The following PLCB4 variants were observed in gnomAD, a reference collection of about 807,000 sequenced individuals.
PLCB4 encodes 1-phosphatidylinositol 4,5-bisphosphate phosphodiesterase beta-4.
PLCB4 carries 77 observed loss-of-function variants against 178.8 expected under a neutral mutation model. That is an observed-to-expected ratio of 0.43 (90% CI 0.36 to 0.52). The LOEUF (loss-of-function observed/expected upper bound fraction) is 0.52, where lower values mean the gene tolerates loss of function less well. PLCB4 is among the 20% of genes least tolerant of loss of function. The probability of loss-of-function intolerance (pLI) is 0.00; values close to 1 mark genes in which losing one functional copy is unlikely to be tolerated. For missense variants in PLCB4, 1,024 were observed against 1,453.4 expected (o/e 0.70, Z 4.80); for synonymous variants, 496 against 490.8 (o/e 1.01, Z -0.14).
intron 2 of PLCB4, among the ~76,000 whole-genome samples, chr20:9,173,273 A>G (rs1297462291): frequency 1.3e-5 from 2 of 152,170 alleles, no homozygotes; most frequent in African/African-American, 4.8e-5. Context: ...CAATGTTTTG[A>G]CCATACTTTT....
chr20:9,428,572 G>A (rs1221718142), intron 28 of PLCB4, among the ~76,000 whole-genome samples: 2 of 152,176 alleles, frequency 1.3e-5, no homozygotes, highest in Non-Finnish European at 2.9e-5. Context: ...TGCAGTTTGA[G>A]AAATGCTTAA....
At chr20:9,430,301 C>G (rs1368246261) in intron 28 of PLCB4, among the ~76,000 whole-genome samples, 1 of 152,202 alleles carries the variant, frequency 6.6e-6, no homozygotes, top group African/African-American at 2.4e-5. Flanking sequence ...TAGCCTTGCT[C>G]AAGGCATTTA....
chr20:9,322,351 CAT>C (rs1170619977), intron 4 of PLCB4, among the ~76,000 whole-genome samples: 1 of 152,114 alleles, frequency 6.6e-6, no homozygotes, highest in African/African-American at 2.4e-5. Context: ...TGGACATAGA[CAT>C]AAAATATTGT....
intron 25 of PLCB4, among the ~76,000 whole-genome samples, chr20:9,417,209 A>AT (rs1404725251): frequency 2.6e-5 from 4 of 151,986 alleles, no homozygotes; most frequent in Non-Finnish European, 4.4e-5. Context: ...ATTTCTAATA[A>AT]TTTTTTAATT....
At chr20:9,456,319 C>T (rs2043055167) in intron 33 of PLCB4, among the ~76,000 whole-genome samples, 1 of 152,178 alleles carries the variant, frequency 6.6e-6, no homozygotes, top group African/African-American at 2.4e-5. Flanking sequence ...TCAAGTGCTT[C>T]CAGCTTTGGC....
chr20:9,386,402 G>A (rs1182209040), intron 14 of PLCB4, among the ~76,000 whole-genome samples: 2 of 152,064 alleles, frequency 1.3e-5, no homozygotes, highest in African/African-American at 4.8e-5. Context: ...TTAAAATATG[G>A]CAAAAATGAT....
intron 2 of PLCB4, among the ~76,000 whole-genome samples, chr20:9,203,094 A>C (rs2093570936): frequency 6.8e-6 from 1 of 147,658 alleles, no homozygotes; most frequent in African/African-American, 2.5e-5. Flanking sequence ...AAATATAAAT[A>C]CTAATCTAAA....
chr20:9,454,064 T>C (rs7268679), intron 33 of PLCB4, among the ~76,000 whole-genome samples: 30,321 of 152,174 alleles, frequency 0.2, 3,280 homozygotes, highest in East Asian at 0.36. Flanking sequence ...ATGTGATAAT[T>C]CCTCAATCTC....
chr20:9,225,692 A>G (rs909240831), intron 3 of PLCB4, among the ~76,000 whole-genome samples: 6 of 152,116 alleles, frequency 3.9e-5, no homozygotes, highest in Non-Finnish European at 7.4e-5. Context: ...GGCATTCTGA[A>G]TCTTTTCCAG....
intron 3 of PLCB4, among the ~76,000 whole-genome samples, chr20:9,276,767 A>G (rs1479984681): frequency 1.3e-5 from 2 of 151,960 alleles, no homozygotes; most frequent in African/African-American, 4.8e-5. Context: ...TACTCAAAAT[A>G]TGGCCCATGG....
At chr20:9,376,879 C>T (rs1185272333) in intron 12 of PLCB4, among the ~76,000 whole-genome samples, 1 of 152,032 alleles carries the variant, frequency 6.6e-6, no homozygotes, top group Non-Finnish European at 1.5e-5. Flanking sequence ...TAATCTTCCC[C>T]CTTCCTCACA....
chr20:9,068,761 A>T, upstream of PLCB4: 1 of 143,818 alleles, frequency 7.0e-6, no homozygotes, highest in African/African-American at 2.5e-5. Context: ...GCTCGGGGGC[A>T]GGGGAGGAGG....
intron 2 of PLCB4, among the ~76,000 whole-genome samples, chr20:9,099,453 T>G (rs555362102): frequency 6.6e-6 from 1 of 152,352 alleles, no homozygotes; most frequent in East Asian, 1.9e-4. Flanking sequence ...CATTTAAATT[T>G]AACCACATAT....
chr20:9,379,045 T>C (rs1372258906), intron 12 of PLCB4, among the ~76,000 whole-genome samples: 2 of 152,196 alleles, frequency 1.3e-5, no homozygotes, highest in African/African-American at 4.8e-5. Flanking sequence ...CAGGTTTTGC[T>C]CACACCTGCT....
chr20:9,098,739 A>G (rs1234249968), intron 2 of PLCB4, among the ~76,000 whole-genome samples: 4 of 49,256 alleles, frequency 8.1e-5, no homozygotes, highest in African/African-American at 3.3e-4. Flanking sequence ...ATATATACAT[A>G]TATGTGTGTG....
At chr20:9,183,671 G>A (rs1031840382) in intron 2 of PLCB4, among the ~76,000 whole-genome samples, 1 of 152,092 alleles carries the variant, frequency 6.6e-6, no homozygotes, top group Admixed American at 6.6e-5. Context: ...TGGAAATATT[G>A]TATACAGACG....
At chr20:9,395,885 T>A (rs1672562942) in intron 19 of PLCB4, among the ~76,000 whole-genome samples, 1 of 152,050 alleles carries the variant, frequency 6.6e-6, no homozygotes, top group Admixed American at 6.6e-5. Context: ...GGCAGTAGGA[T>A]CCCTTGAGCC....
chr20:9,412,967 A>G (rs1488883707), intron 25 of PLCB4, among the ~76,000 whole-genome samples: 1 of 152,220 alleles, frequency 6.6e-6, no homozygotes, highest in Non-Finnish European at 1.5e-5. Flanking sequence ...GTCAGGTTGA[A>G]TGAGTGTACG....
chr20:9,393,037 T>C (rs756189844), intron 17 of PLCB4, among the ~76,000 whole-genome samples: 7 of 152,126 alleles, frequency 4.6e-5, no homozygotes, highest in Non-Finnish European at 1.0e-4. Context: ...CAAATGATGC[T>C]GTAGTCAAGT....
Sources: gnomAD v4.1 joint callset for allele counts (sites outside exome capture counted in the v4.1 genomes callset) on GRCh38, gnomAD v4.1.1 for gene constraint, MANE v1.5 for transcripts, NCBI Gene and HGNC (gene_info 2026-07-23, HGNC 2026-07-21) for gene names.